The following ARHGEF28 variants were observed in gnomAD, a reference collection of about 807,000 sequenced individuals.
ARHGEF28 encodes Rho guanine nucleotide exchange factor 28, also known as 190 kDa guanine nucleotide exchange factor.
ARHGEF28 carries 152 observed loss-of-function variants against 206.6 expected under a neutral mutation model. That is an observed-to-expected ratio of 0.74 (90% CI 0.64 to 0.84). The LOEUF is 0.84. ARHGEF28 is among the 40% of genes least tolerant of loss of function. The probability of loss-of-function intolerance (pLI) is 0.00; values close to 1 mark genes in which losing one functional copy is unlikely to be tolerated. For missense variants in ARHGEF28, 2,028 were observed against 2,073.2 expected, an observed-to-expected ratio of 0.98 and a Z score of 0.42; for synonymous variants, 763 against 776.4, an observed-to-expected ratio of 0.98 and a Z score of 0.29.
At chr5:73,708,796 A>G (rs968958783) in intron 2 of ARHGEF28, among the ~76,000 whole-genome samples, 1 of 152,146 alleles carries the variant, frequency 6.6e-6, no homozygotes, top group African/African-American at 2.4e-5. Context: ...ACTGCTTTCC[A>G]CAGTGGTTGA....
intron 1 of ARHGEF28, among the ~76,000 whole-genome samples, chr5:73,635,492 TAGA>T (rs1743650784): frequency 6.6e-6 from 1 of 152,232 alleles, no homozygotes; most frequent in Non-Finnish European, 1.5e-5. Flanking sequence ...CTTTTCCAAA[TAGA>T]AGGACTTTGG....
chr5:73,773,157 C>T (rs1753317625), intron 4 of ARHGEF28, among the ~76,000 whole-genome samples: 1 of 152,278 alleles, frequency 6.6e-6, no homozygotes, highest in Middle Eastern at 3.4e-3. Flanking sequence ...TCAAGGACCC[C>T]TCCGCCTGGA....
intron 2 of ARHGEF28, among the ~76,000 whole-genome samples, chr5:73,729,058 T>C (rs1750450124): frequency 6.6e-6 from 1 of 152,216 alleles, no homozygotes; most frequent in Non-Finnish European, 1.5e-5. Flanking sequence ...AATTCTTGGC[T>C]TCAAGGGATT....
In ARHGEF28 at chr5:73,920,545, GTT is replaced by G. The variant is rs756699052; in HGVS notation, c.4948+8991_4948+8992del. On this transcript the variant is annotated intron_variant, in intron 35 of 35. Coordinates refer to ENST00000513042, the MANE Select transcript of ARHGEF28 (RefSeq NM_001177693.2). ...CTGTACCTATCAACCCGTCATCTAG[GTT>G]TTTTTTTTTTTTTTTTTTTTGAGAC... is the stretch of plus-strand genomic sequence containing the variant. 4.5e-3 allele frequency among the ~76,000 whole-genome samples: 500 copies of G among 110,480 alleles called. 1 individual carries two copies. Among genetic ancestry groups the G allele is most frequent in the South Asian group, 0.016 (45 of 2,822 alleles). 72.5% of individuals were successfully genotyped at this position (110,480 alleles called of 152,430 possible).
At chr5:73,799,950 C>A (rs980091355) in intron 9 of ARHGEF28, among the ~76,000 whole-genome samples, 4 of 151,760 alleles carry the variant, frequency 2.6e-5, no homozygotes, top group African/African-American at 9.7e-5. Context: ...GTGGGCTTGG[C>A]GCAAGTGCAA....
At chr5:73,710,912 C>T (rs189961507) in intron 2 of ARHGEF28, among the ~76,000 whole-genome samples, 187 of 152,218 alleles carry the variant, frequency 1.2e-3, no homozygotes, top group African/African-American at 3.7e-3. Flanking sequence ...TCATGTTGGC[C>T]AGGCTTGTCT....
At chr5:73,877,449 C>T (rs1357123271) in intron 22 of ARHGEF28, among the ~76,000 whole-genome samples, 1 of 144,672 alleles carries the variant, frequency 6.9e-6, no homozygotes, top group East Asian at 2.0e-4. Flanking sequence ...TTAGTTATTT[C>T]TTGCCTTCTG....
At chr5:73,804,082 C>CAAAAAAAAAAA (rs35722039) in intron 9 of ARHGEF28, among the ~76,000 whole-genome samples, 4 of 64,310 alleles carry the variant, frequency 6.2e-5, no homozygotes, top group African/African-American at 2.1e-4. Flanking sequence ...GAGACCCTGT[C>CAAAAAAAAAAA]AAAAAAAAAA....
chr5:73,877,485 G>C (rs1480439157), intron 22 of ARHGEF28, among the ~76,000 whole-genome samples: 18 of 138,424 alleles, frequency 1.3e-4, no homozygotes, highest in East Asian at 2.0e-4. Flanking sequence ...GTTTGCTCTT[G>C]CTTTTCTAGT....
chr5:73,704,033 A>AAT (rs1314485341), intron 2 of ARHGEF28, among the ~76,000 whole-genome samples: 3 of 151,562 alleles, frequency 2.0e-5, no homozygotes, highest in Non-Finnish European at 4.4e-5. Context: ...AAAAAAAAAA[A>AAT]AAATTGTAAA....
At chr5:73,931,390 C>T (rs1020098356) in intron 35 of ARHGEF28, among the ~76,000 whole-genome samples, 2 of 152,054 alleles carry the variant, frequency 1.3e-5, no homozygotes, top group African/African-American at 2.4e-5. Context: ...GTATATTTCC[C>T]TCAGTTCTGG....
At chr5:73,906,757 T>A (rs751637239) in intron 33 of ARHGEF28, among the ~76,000 whole-genome samples, 2 of 152,202 alleles carry the variant, frequency 1.3e-5, no homozygotes, top group African/African-American at 2.4e-5. Flanking sequence ...AGTTTATTCA[T>A]ATGTCTCTTT....
intron 30 of ARHGEF28, chr5:73,900,095 C>G (rs1157709960): frequency 2.0e-5 from 3 of 152,216 alleles, no homozygotes; most frequent in Non-Finnish European, 4.4e-5. Flanking sequence ...ACAAAATGGA[C>G]TTGTTTTTAG....
chr5:73,632,755 T>C (rs1168521082), intron 1 of ARHGEF28, among the ~76,000 whole-genome samples: 1 of 152,162 alleles, frequency 6.6e-6, no homozygotes, highest in African/African-American at 2.4e-5. Flanking sequence ...CAATTCACTA[T>C]TTTCTTTTTA....
rs368615947 is a variant in ARHGEF28, at chr5:73,665,232, C to T, written c.-11-19609C>T. On this transcript the variant is annotated intron_variant, in intron 1 of 35. Coordinates refer to ENST00000513042, the MANE Select transcript of ARHGEF28 (RefSeq NM_001177693.2). The stretch of plus-strand genomic sequence containing the variant: ...CCTTCCCCACTTAAAAATCCACTTA[C>T]TGGCTTGAAGTTCACAATACTTAGT... 2.0e-5 allele frequency among the ~76,000 whole-genome samples: 3 copies of T among 152,204 alleles called. No individual in the cohort carries two copies. In the East Asian group the frequency reaches 5.8e-4, roughly 29 times the overall value.
rs1314682103 is a variant in ARHGEF28 at position 73,857,786 on chromosome 5, A to G, written c.1914+7A>G. On this transcript the variant is annotated splice_region_variant and intron_variant, in intron 15 of 35. Transcript: ENST00000513042. Reference sequence around the variant, plus strand: ...CCCTCGGAATAAATCAAAGGTAATTAAAGTGATTCACTTATTTTCTATAAA... The same window carrying G: ...CCCTCGGAATAAATCAAAGGTAATTGAAGTGATTCACTTATTTTCTATAAA... 7 of 1,608,830 alleles carry G rather than the reference A, an allele frequency of 4.4e-6. No homozygotes were observed. Among genetic ancestry groups the G allele is most frequent in the Non-Finnish European group, 5.9e-6 (7 of 1,178,054 alleles).
rs903354802 is a variant in ARHGEF28 at position 73,670,660 on chromosome 5, G to A, written c.-11-14181G>A. ...CATATCTGCTATAGCATTTGGTGAT[G>A]GCACTTTTTTTGTGTGTTAGCCATT... On this transcript the variant is annotated intron_variant, in intron 1 of 35. Coordinates refer to ENST00000513042, the MANE Select transcript of ARHGEF28 (RefSeq NM_001177693.2). Among the ~76,000 whole-genome samples, 3 of 152,130 alleles carry A rather than the reference G, an allele frequency of 2.0e-5. No homozygotes were observed. The East Asian group carries it at 5.8e-4, about 29-fold the overall frequency.
rs575449320 is a variant in ARHGEF28, at chr5:73,858,319, G to A, written c.2047+100G>A. The stretch of plus-strand genomic sequence containing the variant: ...CAATACATTTACATAAACCTTTTCA[G>A]TGCCACACATATGACTGAACCGTTT... On this transcript the variant is annotated intron_variant, in intron 16 of 35. Transcript: ENST00000513042. 9.8e-5 allele frequency: 138 copies of A among 1,403,360 alleles called. No homozygotes were observed. In the African/African-American group the frequency reaches 1.9e-3, roughly 19 times the overall value. The allele number at this position is 1,403,360 out of a possible 1,614,324, so 86.9% of individuals were successfully genotyped here.
intron 13 of ARHGEF28, among the ~76,000 whole-genome samples, chr5:73,851,739 T>C (rs1561456657): frequency 6.6e-6 from 1 of 152,204 alleles, no homozygotes; most frequent in Non-Finnish European, 1.5e-5. Context: ...TATGACTTAA[T>C]TTGAGGAACA....
Sources: allele counts gnomAD v4.1 joint callset (sites outside exome capture counted in the v4.1 genomes callset), GRCh38; gene constraint gnomAD v4.1.1; transcripts MANE v1.5; gene names NCBI Gene and HGNC (gene_info 2026-07-23, HGNC 2026-07-21).